The following PDS5B variants were observed in gnomAD, a reference collection of about 807,000 sequenced individuals.
PDS5B encodes PDS5 cohesin associated factor B.
PDS5B carries 51 observed loss-of-function variants against 184.1 expected under a neutral mutation model. The observed-to-expected ratio is 0.28, with a 90% CI of 0.22 to 0.35. The LOEUF (loss-of-function observed/expected upper bound fraction) is 0.35, where lower values mean the gene tolerates loss of function less well. PDS5B is among the 10% of genes least tolerant of loss of function. The pLI, the probability that PDS5B is intolerant of heterozygous loss-of-function variation, is 1.00. For synonymous variants in PDS5B, 566 were observed against 569.2 expected (o/e 0.99, Z 0.08); for missense variants, 1,180 against 1,723.3 (o/e 0.68, Z 5.58).
chr13:32,769,487 A>G (rs1954704685), intron 31 of PDS5B, among the ~76,000 whole-genome samples: 2 of 152,254 alleles, frequency 1.3e-5, no homozygotes, highest in Non-Finnish European at 1.5e-5. Context: ...TTCTCTGAAT[A>G]TAGACTAGGA....
intron 1 of PDS5B, among the ~76,000 whole-genome samples, chr13:32,636,669 T>C (rs905286240): frequency 6.6e-6 from 1 of 152,258 alleles, no homozygotes; most frequent in Non-Finnish European, 1.5e-5. Flanking sequence ...ATTCAGCTTT[T>C]GCTTTTTAAC....
chr13:32,773,891 C>T (rs1954873938), intron 34 of PDS5B, among the ~76,000 whole-genome samples: 2 of 152,154 alleles, frequency 1.3e-5, no homozygotes, highest in Admixed American at 6.5e-5. Context: ...GCAACCTCTG[C>T]CTCCCAGATT....
chr13:32,658,301 C>A lies in PDS5B; in HGVS notation c.375C>A (p.Phe125Leu). 1 of 1,503,846 alleles carries A rather than the reference C, an allele frequency of 6.6e-7. No individual in the cohort carries two copies. Among genetic ancestry groups the A allele is most frequent in the Non-Finnish European group, 9.2e-7 (1 of 1,083,642 alleles). 93.2% of individuals were successfully genotyped at this position (1,503,846 alleles called of 1,614,324 possible). The change falls in exon 4 of 35, where the codon TTC (phenylalanine) becomes TTA (leucine). Residue 125 changes from phenylalanine to leucine, a missense_variant. Coordinates refer to ENST00000315596, the MANE Select transcript of PDS5B (RefSeq NM_015032.4). ...KGLEDTKSPQ[F>L]NRYFYLLENI... ...TAGAGGATACAAAGAGCCCACAATTCAATAGGTATTTTTATTTACTTGAGG... is the reference window on the plus strand; with the variant it reads ...TAGAGGATACAAAGAGCCCACAATTAAATAGGTATTTTTATTTACTTGAGG...
intron 30 of PDS5B, among the ~76,000 whole-genome samples, chr13:32,761,297 G>A (rs1005319163): frequency 6.6e-6 from 1 of 151,978 alleles, no homozygotes; most frequent in East Asian, 1.9e-4. Flanking sequence ...ATAGTACCAC[G>A]TACATATATA....
Position 32,704,209 on chromosome 13 carries a change from C to T in PDS5B, c.1857-2725C>T, listed in dbSNP as rs570635792. On this transcript the variant is annotated intron_variant, in intron 17 of 34. Transcript: ENST00000315596. ...TTTTTGAGTAAGTCTCACTCTGTTG[C>T]CCAGGCTAGAGTGCAGTGGCTTGAT... Among the ~76,000 whole-genome samples the T allele has an allele frequency of 2.0e-5, 3 of 151,704 alleles. No individual in the cohort carries two copies. In the South Asian group the frequency reaches 6.2e-4, roughly 32 times the overall value.
At position 32,775,608 on chromosome 13, in the gene PDS5B, T is replaced by G; in HGVS notation, c.*556T>G. On this transcript the variant is annotated 3_prime_UTR_variant, in exon 35 of 35. Coordinates refer to ENST00000315596, the MANE Select transcript of PDS5B (RefSeq NM_015032.4). ...CCTAGTGTTTACTCCTGGGCACCCT[T>G]AATCTTCAGAGGTGCTAAATTGTCT... The G allele has an allele frequency of 2.2e-6, 1 of 455,784 alleles. No individual in the cohort carries two copies. Among genetic ancestry groups the G allele is most frequent in the Non-Finnish European group, 4.4e-6 (1 of 226,474 alleles). The allele number at this position is 455,784 out of a possible 1,614,324, so 28.2% of individuals were successfully genotyped here.
At chr13:32,734,005 CACACACACAA>C (rs1953223246) in intron 20 of PDS5B, among the ~76,000 whole-genome samples, 1 of 151,372 alleles carries the variant, frequency 6.6e-6, no homozygotes, top group African/African-American at 2.4e-5. Context: ...CACACACACA[CACACACACAA>C]ACATATATTT....
chr13:32,753,852 A>G (rs752635948), intron 25 of PDS5B, among the ~76,000 whole-genome samples: 2 of 152,132 alleles, frequency 1.3e-5, no homozygotes, highest in African/African-American at 4.8e-5. Context: ...TTTAATTGGA[A>G]AAAAGTACAA....
chr13:32,586,792 G>T (rs2140447300), intron 1 of PDS5B, among the ~76,000 whole-genome samples, 199 bp downstream of exon 1: 1 of 146,980 alleles, frequency 6.8e-6, no homozygotes, highest in South Asian at 2.1e-4. Flanking sequence ...CCGGGGCGGG[G>T]GTCGCGGGGC....
intron 20 of PDS5B, among the ~76,000 whole-genome samples, chr13:32,734,748 A>G (rs2140957410): frequency 6.6e-6 from 1 of 152,278 alleles, no homozygotes; most frequent in East Asian, 1.9e-4. Flanking sequence ...CTTGACCAGA[A>G]CTCATTCATA....
chr13:32,609,824 G>A (rs961630968), intron 1 of PDS5B, among the ~76,000 whole-genome samples: 1 of 151,498 alleles, frequency 6.6e-6, no homozygotes, highest in South Asian at 2.1e-4. Flanking sequence ...TGCTGCATCC[G>A]TTGGTGGAAA....
intron 19 of PDS5B, among the ~76,000 whole-genome samples, chr13:32,717,233 T>TCTA (rs1217886635): frequency 2.0e-5 from 3 of 151,692 alleles, no homozygotes; most frequent in African/African-American, 7.3e-5. Context: ...ACAATGGCGG[T>TCTA]TTTGTGGAAT....
chr13:32,630,861 T>G (rs777367857), intron 1 of PDS5B, among the ~76,000 whole-genome samples: 6 of 151,794 alleles, frequency 4.0e-5, no homozygotes, highest in Admixed American at 3.9e-4. Context: ...CTCGGCTTAC[T>G]GTAACCTCCG....
At chr13:32,651,570 A>G (rs890848089) in intron 2 of PDS5B, among the ~76,000 whole-genome samples, 1 of 152,242 alleles carries the variant, frequency 6.6e-6, no homozygotes, top group African/African-American at 2.4e-5. Flanking sequence ...TTAATCTTTA[A>G]AAATCTGGTT....
At chr13:32,720,565 T>C (rs1952635266) in intron 19 of PDS5B, among the ~76,000 whole-genome samples, 1 of 152,174 alleles carries the variant, frequency 6.6e-6, no homozygotes, top group Non-Finnish European at 1.5e-5. Flanking sequence ...AAGATTATGA[T>C]GGAGCTGCAC....
Position 32,691,838 on chromosome 13 carries a change from G to C in PDS5B, c.1470-2385G>C, listed in dbSNP as rs557481138. On this transcript the variant is annotated intron_variant, in intron 13 of 34. Transcript: ENST00000315596. ...CTACCAGTGGTTTATGGATTTCTAC[G>C]TCCTCCTGTGTATTATCAGACATTT... Among the ~76,000 whole-genome samples the C allele has an allele frequency of 6.6e-5, 10 of 152,054 alleles. No homozygotes were observed. The South Asian group carries it at 1.7e-3, about 25-fold the overall frequency.
intron 14 of PDS5B, 76 bp from the exon 15 acceptor site, chr13:32,696,778 T>C: frequency 1.0e-6 from 1 of 958,220 alleles, no homozygotes; most frequent in Non-Finnish European, 1.7e-6. Flanking sequence ...GTTATGCTTG[T>C]CTAATTTTTT....
At chr13:32,635,765 A>ATTTTTTTTTTTTTTTTTTTTTTTT (rs34580707) in intron 1 of PDS5B, among the ~76,000 whole-genome samples, 1 of 108,504 alleles carries the variant, frequency 9.2e-6, no homozygotes, top group African/African-American at 3.6e-5. Flanking sequence ...TAGTATTCTG[A>ATTTTTTTTTTTTTTTTTTTTTTTT]TTTTTTTTTT....
intron 24 of PDS5B, among the ~76,000 whole-genome samples, chr13:32,750,847 CTGTGTGTGTGTGTGTGTGTG>C (rs71194534): frequency 2.1e-5 from 3 of 143,426 alleles, no homozygotes; most frequent in Admixed American, 7.0e-5. Context: ...CGGCCTCCCT[CTGTGTGTGTGTGTGTGTGTG>C]TGTGTGTGTG....
Sources: allele counts gnomAD v4.1 joint callset (sites outside exome capture counted in the v4.1 genomes callset), GRCh38; gene constraint gnomAD v4.1.1; transcripts MANE v1.5; gene names NCBI Gene and HGNC (gene_info 2026-07-23, HGNC 2026-07-21).